The following TTC12 variants were observed in gnomAD, a reference collection of about 807,000 sequenced individuals.
TTC12 encodes the protein tetratricopeptide repeat protein 12.
TTC12 carries 70 observed loss-of-function variants against 90.1 expected under a neutral mutation model. The ratio of observed to expected loss-of-function variants is 0.78; its 90% CI spans 0.64 to 0.95. The LOEUF (loss-of-function observed/expected upper bound fraction) is 0.95. Ranked by LOEUF, TTC12 falls within the 40% of genes least tolerant of loss-of-function variation. TTC12 has a pLI of 0.00. For missense variants in TTC12, 819 were observed against 846.1 expected (o/e 0.97, Z 0.40); for synonymous variants, 296 against 311.5 (o/e 0.95, Z 0.53).
rs1267343442 is a variant in TTC12 at position 113,362,505 on chromosome 11, A to G, written c.1716+3A>G. 1.9e-6 allele frequency: 3 copies of G among 1,592,784 alleles called. No homozygotes were observed. The highest frequency in any genetic ancestry group is 2.6e-6 in the Non-Finnish European group (3 of 1,160,678). On this transcript the variant is annotated splice_donor_region_variant and intron_variant, in intron 19 of 21. Transcript: ENST00000529221. ...AGAAAATGATGAAATTCCTGAAGGTAAGATCACTTTATTGGTTACAACCCC... is the reference window on the plus strand; with the variant it reads ...AGAAAATGATGAAATTCCTGAAGGTGAGATCACTTTATTGGTTACAACCCC...
chr11:113,372,985 C>G (rs971453078), intron 21 of TTC12: 1 of 156,548 alleles, frequency 6.4e-6, no homozygotes, highest in Non-Finnish European at 1.4e-5. Flanking sequence ...TTTCAAAGAC[C>G]TTCTCCTTTC....
In TTC12 at chr11:113,339,703, A is replaced by C. The variant is rs912843105; in HGVS notation, c.826+229A>C. 2.1e-5 allele frequency: 10 copies of C among 481,220 alleles called. No homozygotes were observed. The East Asian group carries it at 3.0e-4, about 14-fold the overall frequency. 29.8% of individuals were successfully genotyped at this position (481,220 alleles called of 1,614,324 possible). ...CAGCACACATGCAATAAACATACAC[A>C]ACACAACACGTACACGTGGCACACA... On this transcript the variant is annotated intron_variant, in intron 10 of 21. Transcript: ENST00000529221.
At chr11:113,350,886 C>T (rs782750891) in intron 14 of TTC12, among the ~76,000 whole-genome samples, 3 of 152,194 alleles carry the variant, frequency 2.0e-5, no homozygotes, top group Admixed American at 2.0e-4. Context: ...GATGGGTAAA[C>T]ATGCTTGCAT....
rs1157693417 is a variant in TTC12, at chr11:113,333,154, C to T, written c.505-1812C>T. 3.3e-5 allele frequency among the ~76,000 whole-genome samples: 5 copies of T among 152,142 alleles called. No homozygotes were observed. In the East Asian group the frequency reaches 9.6e-4, roughly 29 times the overall value. ...CTCCACACTGCCATTGGTGACTCAC[C>T]CTCCTCCAGTGTGGCATGCAAGGCT... On this transcript the variant is annotated intron_variant, in intron 7 of 21. Transcript: ENST00000529221.
chr11:113,348,836 G>A (rs574129085), intron 13 of TTC12, among the ~76,000 whole-genome samples: 3 of 152,290 alleles, frequency 2.0e-5, no homozygotes, highest in South Asian at 2.1e-4. Flanking sequence ...GCCCTAGAAG[G>A]CCCCCAGGAT....
In TTC12 at chr11:113,362,561, G is replaced by A. The variant is rs1363639885; in HGVS notation, c.1716+59G>A. On this transcript the variant is annotated intron_variant, in intron 19 of 21. Transcript: ENST00000529221. ...TGTACAGAAGTCTCCTATTTTATTC[G>A]GGGAACAGAATTAAGGTGGGCTTTG... 37 of 1,191,338 alleles carry A rather than the reference G, an allele frequency of 3.1e-5. 1 individual carries two copies. The highest frequency in any genetic ancestry group is 2.3e-4 in the South Asian group (18 of 79,782). The allele number at this position is 1,191,338 out of a possible 1,614,324, so 73.8% of individuals were successfully genotyped here.
At chr11:113,329,866 A>T in intron 6 of TTC12, 54 bp from the exon 7 acceptor site, 1 of 1,475,652 alleles carries the variant, frequency 6.8e-7, no homozygotes, top group South Asian at 1.1e-5. Context: ...GTGTGAACTG[A>T]AAACTGCCTG....
intron 12 of TTC12, 127 bp downstream of exon 12, chr11:113,342,052 A>G: frequency 1.3e-6 from 1 of 768,808 alleles, no homozygotes. Context: ...GCACACACCC[A>G]CTCCCTCCAG....
intron 2 of TTC12, among the ~76,000 whole-genome samples, chr11:113,318,077 G>A (rs1175835399): frequency 6.6e-6 from 1 of 152,210 alleles, no homozygotes; most frequent in Non-Finnish European, 1.5e-5. Flanking sequence ...AGCCACATGT[G>A]TATAGATTCT....
At chr11:113,348,700 A>G (rs138057310) in intron 13 of TTC12, among the ~76,000 whole-genome samples, 1 of 152,228 alleles carries the variant, frequency 6.6e-6, no homozygotes, top group African/African-American at 2.4e-5. Flanking sequence ...AGGACTTTAT[A>G]AAAAAGCAGC....
Position 113,323,377 on chromosome 11 carries a change from G to A in TTC12, c.148G>A (p.Glu50Lys). 1.2e-6 allele frequency: 2 copies of A among 1,613,476 alleles called. No individual in the cohort carries two copies. Among genetic ancestry groups the A allele is most frequent in the Non-Finnish European group, 1.7e-6 (2 of 1,179,792 alleles). ...AGAAAAGAGACTACTGCTTATGGAG[G>A]AAGACCAGGAGGAGGATGAATGCAG... Reference protein sequence around the residue: ...ETEKRLLLMEEDQEEDECRTT... With the variant: ...ETEKRLLLMEKDQEEDECRTT... Residue 50 changes from glutamate to lysine, a missense_variant, in exon 3 of 22, where the codon GAA (glutamate) becomes AAA (lysine). Physicochemically the swap from Glu to Lys is moderately conservative, Grantham distance 56 (BLOSUM62 1). Transcript: ENST00000529221.
At chr11:113,329,327 A>G (rs1947884082) in intron 6 of TTC12, among the ~76,000 whole-genome samples, 1 of 151,982 alleles carries the variant, frequency 6.6e-6, no homozygotes, top group South Asian at 2.1e-4. Flanking sequence ...AGCAGGGTAG[A>G]CTCCAGAATC....
chr11:113,343,068 A>G (rs551609414), intron 12 of TTC12, among the ~76,000 whole-genome samples: 2 of 152,354 alleles, frequency 1.3e-5, no homozygotes, highest in East Asian at 3.9e-4. Context: ...ATCTTGATAT[A>G]TCTAACTCAA....
At position 113,362,633 on chromosome 11, in the gene TTC12, T is replaced by C. The variant is rs1436232753; in HGVS notation, c.1716+131T>C. The C allele has an allele frequency of 1.1e-5, 7 of 654,234 alleles. No individual in the cohort carries two copies. In the Admixed American group the frequency reaches 1.1e-4, roughly 10 times the overall value. 40.5% of individuals were successfully genotyped at this position (654,234 alleles called of 1,614,324 possible). On this transcript the variant is annotated intron_variant, in intron 19 of 21. Coordinates refer to ENST00000529221, the MANE Select transcript of TTC12 (RefSeq NM_017868.4). ...TCTTCCTTGCTAGATTTTAAACTTCTTGGATAGGGATTTGCTTCTGCCTGT... is the reference window on the plus strand; with the variant it reads ...TCTTCCTTGCTAGATTTTAAACTTCCTGGATAGGGATTTGCTTCTGCCTGT...
chr11:113,316,297 A>G lies in TTC12; in HGVS notation c.40A>G (p.Lys14Glu). ...AGAGAAAGATTTGCAGAAATTTCTT[A>G]AAAATGTGGATGAAATCTGTAAGTA... Reference protein sequence around the residue: ...DKEKDLQKFLKNVDEISNLIQ... With the variant: ...DKEKDLQKFLENVDEISNLIQ... Residue 14 changes from lysine (K) to glutamate (E), a missense_variant, in exon 2 of 22, where the codon AAA becomes GAA. Coordinates refer to ENST00000529221, the MANE Select transcript of TTC12 (RefSeq NM_017868.4). 1 of 1,468,550 alleles carries G rather than the reference A, an allele frequency of 6.8e-7. No individual in the cohort carries two copies. Among genetic ancestry groups the G allele is most frequent in the Non-Finnish European group, 9.0e-7 (1 of 1,105,268 alleles). 91.0% of individuals were successfully genotyped at this position (1,468,550 alleles called of 1,614,324 possible). A position where few individuals can be genotyped will look rare whatever the true frequency, so the allele number is the denominator to read the frequency against.
intron 13 of TTC12, among the ~76,000 whole-genome samples, chr11:113,348,300 C>T (rs1335964990): frequency 6.6e-6 from 1 of 152,192 alleles, no homozygotes; most frequent in Non-Finnish European, 1.5e-5. Flanking sequence ...TGACCTGGCT[C>T]TCCCTCACCA....
chr11:113,316,170 A>C (rs1555135429), intron 1 of TTC12, 73 bp from the exon 2 acceptor site: 1 of 634,172 alleles, frequency 1.6e-6, no homozygotes, highest in East Asian at 3.1e-5. Flanking sequence ...TTAGTTTTAG[A>C]AGGCTAATAA....
chr11:113,345,576 A>G (rs1342507719), intron 13 of TTC12, among the ~76,000 whole-genome samples: 1 of 152,138 alleles, frequency 6.6e-6, no homozygotes, highest in Non-Finnish European at 1.5e-5. Flanking sequence ...CCGTGACAGG[A>G]TGGTTATTAA....
intron 8 of TTC12, among the ~76,000 whole-genome samples, chr11:113,336,265 A>G (rs1169871877): frequency 6.6e-6 from 1 of 152,132 alleles, no homozygotes; most frequent in South Asian, 2.1e-4. Flanking sequence ...TGTTATTTAT[A>G]TATTCTGAAT....
Sources: allele counts gnomAD v4.1 joint callset (sites outside exome capture counted in the v4.1 genomes callset), GRCh38; gene constraint gnomAD v4.1.1; transcripts MANE v1.5; gene names NCBI Gene and HGNC (gene_info 2026-07-23, HGNC 2026-07-21).